Variants in CSMD1 observed in about 807,000 individuals in gnomAD.
CSMD1 encodes the protein CUB and sushi domain-containing protein 1.
CSMD1 carries 213 observed loss-of-function variants against 417.5 expected under a neutral mutation model. That is an observed-to-expected ratio of 0.51 (90% CI 0.46 to 0.57). The LOEUF is 0.57. CSMD1 is among the 20% of genes least tolerant of loss of function. The probability of loss-of-function intolerance (pLI) is 0.00; values close to 1 mark genes in which losing one functional copy is unlikely to be tolerated. For missense variants in CSMD1, 6,923 were observed against 4,529.7 expected (o/e 1.53, Z -15.17); for synonymous variants, 2,862 against 1,736.8 (o/e 1.65, Z -16.11).
chr8:4,887,148 A>G (rs1179570524), intron 1 of CSMD1, among the ~76,000 whole-genome samples: 1 of 152,078 alleles, frequency 6.6e-6, no homozygotes, highest in Non-Finnish European at 1.5e-5. Flanking sequence ...TTTTACCTGC[A>G]TTCCATAAGA....
chr8:3,078,989 C>A (rs1285496776), intron 49 of CSMD1, among the ~76,000 whole-genome samples: 1 of 152,060 alleles, frequency 6.6e-6, no homozygotes, highest in Non-Finnish European at 1.5e-5. Flanking sequence ...ACCTTTATGC[C>A]CATTTGCAGA....
Position 3,595,474 on chromosome 8 carries a change from A to C in CSMD1, c.1098-9214T>G, listed in dbSNP as rs1801046965. Among the ~76,000 whole-genome samples, 6 of 152,366 alleles carry C rather than the reference A, an allele frequency of 3.9e-5. No homozygotes were observed. In the South Asian group the frequency reaches 1.2e-3, roughly 32 times the overall value. On this transcript the variant is annotated intron_variant, in intron 8 of 69. Coordinates refer to ENST00000635120, the MANE Select transcript of CSMD1 (RefSeq NM_033225.6). ...AGTTTAACACCACTAAAAATGCATC[A>C]GAGAGTAGATGGAACTCTCTAGCCT...
chr8:4,693,234 G>T (rs953731130), intron 1 of CSMD1, among the ~76,000 whole-genome samples: 1 of 152,216 alleles, frequency 6.6e-6, no homozygotes, highest in Non-Finnish European at 1.5e-5. Context: ...ACGGCCATGA[G>T]CAAGAAATGT....
At chr8:3,787,438 T>C (rs1041866391) in intron 5 of CSMD1, among the ~76,000 whole-genome samples, 4 of 152,184 alleles carry the variant, frequency 2.6e-5, no homozygotes, top group Non-Finnish European at 5.9e-5. Context: ...ATTCATTTTC[T>C]AAATGATATA....
At chr8:3,874,674 G>A (rs574282761) in intron 5 of CSMD1, among the ~76,000 whole-genome samples, 13 of 152,112 alleles carry the variant, frequency 8.5e-5, no homozygotes, top group Non-Finnish European at 1.3e-4. Flanking sequence ...CTCTGTGGAT[G>A]ATGAAAACTC....
chr8:4,279,988 C>G (rs1796692657), intron 3 of CSMD1, among the ~76,000 whole-genome samples: 1 of 152,194 alleles, frequency 6.6e-6, no homozygotes, highest in Non-Finnish European at 1.5e-5. Flanking sequence ...GTGTTTCAAA[C>G]AGAAACACAG....
At chr8:3,481,781 G>A (rs568473329) in intron 11 of CSMD1, among the ~76,000 whole-genome samples, 78 of 152,302 alleles carry the variant, frequency 5.1e-4, no homozygotes, top group African/African-American at 1.9e-3. Flanking sequence ...CCCTAAGCTG[G>A]AAGAAGAAAG....
Position 3,278,854 on chromosome 8 carries a change from G to C in CSMD1, c.4153+5290C>G, listed in dbSNP as rs1469406274. The C allele has an allele frequency of 3.3e-5, 5 of 152,200 alleles. No homozygotes were observed. The South Asian group carries it at 6.2e-4, about 19-fold the overall frequency. The allele number at this position is 152,200 out of a possible 1,614,324, so 9.4% of individuals were successfully genotyped here. On this transcript the variant is annotated intron_variant, in intron 26 of 69. Transcript: ENST00000635120. ...GTTTCATGGCTGGATTCGCCAGTGA[G>C]GGGACGAATGTGGGTGGAGTGAGAG...
intron 3 of CSMD1, among the ~76,000 whole-genome samples, chr8:4,032,944 A>G (rs559743647): frequency 3.3e-5 from 5 of 152,184 alleles, no homozygotes; most frequent in East Asian, 1.9e-4. Context: ...AATTACTGAT[A>G]GAACAGGCTC....
rs112144089 is a variant in CSMD1 at position 3,999,835 on chromosome 8, A to C, written c.611-1725T>G. Among the ~76,000 whole-genome samples the C allele has an allele frequency of 5.1e-3, 780 of 152,312 alleles. 3 individuals are homozygous for C. Among genetic ancestry groups the C allele is most frequent in the Non-Finnish European group, 9.0e-3 (609 of 68,030 alleles). On this transcript the variant is annotated intron_variant, in intron 4 of 69. Coordinates refer to ENST00000635120, the MANE Select transcript of CSMD1 (RefSeq NM_033225.6). ...TGTTCTCATGTTTTAATAGTTAGCC[A>C]GTCTGTGACTCCCATCCAAAGCACG...
intron 54 of CSMD1, among the ~76,000 whole-genome samples, chr8:2,991,656 A>T (rs555787973): frequency 3.6e-4 from 54 of 151,922 alleles, no homozygotes; most frequent in Admixed American, 1.6e-3. Context: ...TACCCTTTTT[A>T]AAAAAAAGCA....
intron 21 of CSMD1, among the ~76,000 whole-genome samples, chr8:3,354,516 A>G (rs1221258576): frequency 2.0e-5 from 3 of 152,180 alleles, no homozygotes; most frequent in African/African-American, 7.2e-5. Flanking sequence ...TACGCAACAA[A>G]TAAGTAAATC....
Position 3,744,533 on chromosome 8 carries a change from C to A in CSMD1, c.931+9397G>T, listed in dbSNP as rs547518973. Among the ~76,000 whole-genome samples the A allele has an allele frequency of 1.6e-4, 24 of 152,102 alleles. No homozygotes were observed. In the South Asian group the frequency reaches 5.0e-3, roughly 32 times the overall value. On this transcript the variant is annotated intron_variant, in intron 6 of 69. Coordinates refer to ENST00000635120, the MANE Select transcript of CSMD1 (RefSeq NM_033225.6). ...AATAAATAAAATAGATCCAAAGATT[C>A]GTTTCTTTATTTTCATGTCAGACTC...
chr8:3,488,391 T>TACC (rs776199849), intron 11 of CSMD1, among the ~76,000 whole-genome samples: 20 of 152,152 alleles, frequency 1.3e-4, no homozygotes, highest in Non-Finnish European at 2.9e-4. Flanking sequence ...TATAGGCGTA[T>TACC]ACCAGCATGC....
intron 5 of CSMD1, among the ~76,000 whole-genome samples, chr8:3,763,506 C>G (rs185700530): frequency 1.4e-4 from 22 of 152,302 alleles, no homozygotes; most frequent in Non-Finnish European, 2.6e-4. Context: ...CCTGTGCCCA[C>G]TCTACCTTCT....
intron 1 of CSMD1, among the ~76,000 whole-genome samples, chr8:4,779,594 G>C (rs879336681): frequency 6.6e-6 from 1 of 152,178 alleles, no homozygotes; most frequent in Non-Finnish European, 1.5e-5. Context: ...AAGGAACACA[G>C]GAAGCATTAG....
Position 3,848,562 on chromosome 8 carries a change from T to G in CSMD1, c.819-94520A>C, listed in dbSNP as rs182805495. Among the ~76,000 whole-genome samples, 294 of 152,320 alleles carry G rather than the reference T, an allele frequency of 1.9e-3. 1 individual carries two copies. Among genetic ancestry groups the G allele is most frequent in the Non-Finnish European group, 2.9e-3 (194 of 68,030 alleles). ...ACTCAATACCACTTTAATTTCACCTTTGTGCTGCTCCTTGTAAATATGTAC... is the reference window on the plus strand; with the variant it reads ...ACTCAATACCACTTTAATTTCACCTGTGTGCTGCTCCTTGTAAATATGTAC... On this transcript the variant is annotated intron_variant, in intron 5 of 69. Coordinates refer to ENST00000635120, the MANE Select transcript of CSMD1 (RefSeq NM_033225.6).
intron 3 of CSMD1, among the ~76,000 whole-genome samples, chr8:4,280,458 G>A (rs982599146): frequency 6.6e-6 from 1 of 152,152 alleles, no homozygotes; most frequent in South Asian, 2.1e-4. Flanking sequence ...CTGAGCACTT[G>A]CATACATCAC....
At chr8:2,978,918 TG>T in intron 54 of CSMD1, 118 bp from the exon 55 acceptor site, 1 of 825,040 alleles carries the variant, frequency 1.2e-6, no homozygotes, top group Non-Finnish European at 1.8e-6. Context: ...GACAACATGA[TG>T]GCTGAGGCTC....
Sources: gnomAD v4.1 joint callset for allele counts (sites outside exome capture counted in the v4.1 genomes callset) on GRCh38, gnomAD v4.1.1 for gene constraint, MANE v1.5 for transcripts, NCBI Gene and HGNC (gene_info 2026-07-23, HGNC 2026-07-21) for gene names.